OTUD7A: variants seen among roughly 807,000 people sequenced by gnomAD.
OTUD7A encodes OTU deubiquitinase 7A, also known as OTU domain-containing protein 7A.
OTUD7A carries 12 observed loss-of-function variants against 65.7 expected under a neutral mutation model. The observed-to-expected ratio is 0.18, with a 90% confidence interval of 0.12 to 0.30. The LOEUF is 0.30. Ranked by LOEUF, OTUD7A falls within the 10% of genes least tolerant of loss-of-function variation. The pLI is 1.00. For synonymous variants in OTUD7A, 641 were observed against 586.3 expected (o/e 1.09, Z -1.35); for missense variants, 1,148 against 1,304.8 (o/e 0.88, Z 1.85).
At chr15:31,785,471 T>G (rs1011063152) in intron 1 of OTUD7A, among the ~76,000 whole-genome samples, 1 of 152,212 alleles carries the variant, frequency 6.6e-6, no homozygotes, top group Non-Finnish European at 1.5e-5. Flanking sequence ...AAAAGGTGTG[T>G]CCCATTTCCA....
intron 1 of OTUD7A, among the ~76,000 whole-genome samples, chr15:31,713,848 C>T (rs957639966): frequency 1.6e-4 from 24 of 151,592 alleles, no homozygotes; most frequent in African/African-American, 5.1e-4. Context: ...ACATACACTT[C>T]ACAAGATGAC....
chr15:31,511,871 G>C (rs996856414), intron 8 of OTUD7A, among the ~76,000 whole-genome samples: 7 of 151,458 alleles, frequency 4.6e-5, no homozygotes, highest in African/African-American at 1.7e-4. Context: ...CCGACAATGG[G>C]GATTTTTTAC....
intron 1 of OTUD7A, among the ~76,000 whole-genome samples, chr15:31,830,624 G>A (rs1896906407): frequency 6.6e-6 from 1 of 152,218 alleles, no homozygotes; most frequent in Non-Finnish European, 1.5e-5. Context: ...AATTAAAATT[G>A]TTTCACCCTG....
intron 3 of OTUD7A, among the ~76,000 whole-genome samples, chr15:31,618,844 T>C (rs910917352): frequency 6.6e-6 from 1 of 152,224 alleles, no homozygotes; most frequent in Admixed American, 6.5e-5. Context: ...AGATGAGTCC[T>C]TGCCCATGCC....
intron 1 of OTUD7A, among the ~76,000 whole-genome samples, chr15:31,862,187 T>C (rs1300270757): frequency 6.6e-6 from 1 of 152,156 alleles, no homozygotes; most frequent in African/African-American, 2.4e-5. Flanking sequence ...TCCCACCCCC[T>C]AGTTTTTCAT....
In OTUD7A at chr15:31,512,185, T is replaced by C. The variant is rs147122175; in HGVS notation, c.894-8367A>G. Among the ~76,000 whole-genome samples, 8 of 152,298 alleles carry C rather than the reference T, an allele frequency of 5.3e-5. 1 individual carries two copies. In the East Asian group the frequency reaches 1.5e-3, roughly 29 times the overall value. On this transcript the variant is annotated intron_variant, in intron 8 of 12. Coordinates refer to ENST00000307050, the MANE Select transcript of OTUD7A (RefSeq NM_001382637.1). The stretch of plus-strand genomic sequence containing the variant: ...TTCCTGGTGTTTTTTCCTCAATCTG[T>C]GCACAGTTTTCTGGTTCACGTGATA...
At chr15:31,755,136 G>A (rs1378174341) in intron 1 of OTUD7A, among the ~76,000 whole-genome samples, 1 of 151,544 alleles carries the variant, frequency 6.6e-6, no homozygotes, top group African/African-American at 2.4e-5. Context: ...AGGGAAGGTG[G>A]GAAGAGGGGA....
At chr15:31,545,875 A>G (rs1484412779) in intron 5 of OTUD7A, among the ~76,000 whole-genome samples, 1 of 152,226 alleles carries the variant, frequency 6.6e-6, no homozygotes, top group African/African-American at 2.4e-5. Context: ...CCTAAGTACA[A>G]TTGACCCTCT....
chr15:31,644,169 G>T (rs866089637), intron 3 of OTUD7A, among the ~76,000 whole-genome samples: 75 of 151,972 alleles, frequency 4.9e-4, no homozygotes, highest in Middle Eastern at 3.2e-3. Context: ...CACACCTGGG[G>T]TTTTTCACAC....
intron 1 of OTUD7A, among the ~76,000 whole-genome samples, chr15:31,749,268 C>G (rs1894563797): frequency 6.6e-6 from 1 of 152,078 alleles, no homozygotes; most frequent in African/African-American, 2.4e-5. Flanking sequence ...CACATGTACC[C>G]TAAAACTTAA....
chr15:31,577,527 C>T (rs1303088706), intron 3 of OTUD7A, among the ~76,000 whole-genome samples: 1 of 152,052 alleles, frequency 6.6e-6, no homozygotes, highest in Admixed American at 6.6e-5. Context: ...CAATGTATAC[C>T]TTACATGTAT....
chr15:31,569,648 T>G (rs1308138460), intron 4 of OTUD7A, among the ~76,000 whole-genome samples: 1 of 152,220 alleles, frequency 6.6e-6, no homozygotes, highest in Non-Finnish European at 1.5e-5. Context: ...ATGGAGCGCA[T>G]GGGACAAGAA....
chr15:31,730,729 C>T (rs1894017551), intron 1 of OTUD7A, among the ~76,000 whole-genome samples: 1 of 152,190 alleles, frequency 6.6e-6, no homozygotes, highest in African/African-American at 2.4e-5. Flanking sequence ...ACTCAGGCTT[C>T]CTACGACTTC....
chr15:31,789,490 C>T (rs1895757534), intron 1 of OTUD7A, among the ~76,000 whole-genome samples: 1 of 152,212 alleles, frequency 6.6e-6, no homozygotes, highest in South Asian at 2.1e-4. Flanking sequence ...TTTCACTCCT[C>T]CACAATTATG....
At chr15:31,537,310 A>G (rs1173530992) in intron 5 of OTUD7A, among the ~76,000 whole-genome samples, 3 of 152,242 alleles carry the variant, frequency 2.0e-5, no homozygotes, top group Non-Finnish European at 4.4e-5. Flanking sequence ...AATAAGTGGC[A>G]TTACTGATAA....
At chr15:31,768,397 G>A (rs1895144486) in intron 1 of OTUD7A, among the ~76,000 whole-genome samples, 1 of 152,218 alleles carries the variant, frequency 6.6e-6, no homozygotes, top group Non-Finnish European at 1.5e-5. Flanking sequence ...GGTGGCTTAT[G>A]CCTGTAATCC....
chr15:31,636,125 T>C (rs1386000665), intron 3 of OTUD7A, among the ~76,000 whole-genome samples: 1 of 152,212 alleles, frequency 6.6e-6, no homozygotes, highest in African/African-American at 2.4e-5. Context: ...TTACTGTGCT[T>C]TACTGTATTG....
intron 3 of OTUD7A, among the ~76,000 whole-genome samples, chr15:31,587,948 CA>C (rs1201842314): frequency 6.6e-6 from 1 of 152,034 alleles, no homozygotes; most frequent in African/African-American, 2.4e-5. Flanking sequence ...GCTATCACCT[CA>C]TCAGAAAGGC....
At position 31,760,681 on chromosome 15, in the gene OTUD7A, T is replaced by C. The variant is rs950903598; in HGVS notation, c.-99-103604A>G. ...AATCCCTTTCAAAATTCCAGCTGGC[T>C]TTTTTTTCAGAAATTGACAAGCTGA... On this transcript the variant is annotated intron_variant, in intron 1 of 12. Coordinates refer to ENST00000307050, the MANE Select transcript of OTUD7A (RefSeq NM_001382637.1). Among the ~76,000 whole-genome samples, 3 of 152,012 alleles carry C rather than the reference T, an allele frequency of 2.0e-5. No individual in the cohort carries two copies. The South Asian group carries it at 6.2e-4, about 32-fold the overall frequency.
Sources: allele counts gnomAD v4.1 joint callset (sites outside exome capture counted in the v4.1 genomes callset), GRCh38; gene constraint gnomAD v4.1.1; transcripts MANE v1.5; gene names NCBI Gene and HGNC (gene_info 2026-07-23, HGNC 2026-07-21).